MUC17: variants seen among roughly 807,000 people sequenced by gnomAD.
MUC17 encodes the protein mucin-17.
MUC17 carries 190 observed loss-of-function variants against 170.3 expected under a neutral mutation model. The observed-to-expected ratio is 1.12, with a 90% CI of 0.99 to 1.26. MUC17 has a LOEUF of 1.26. MUC17 is among the 50% of genes most tolerant of loss of function. The pLI is 0.00. For synonymous variants in MUC17, 2,325 were observed against 2,002.5 expected, an observed-to-expected ratio of 1.16 and a Z score of -4.30; for missense variants, 6,415 against 5,530.0, an observed-to-expected ratio of 1.16 and a Z score of -5.08.
rs1794397588 is a variant in MUC17, at chr7:101,034,503, T to C, written c.3087T>C (p.Gly1029=). 1.2e-6 allele frequency: 2 copies of C among 1,613,572 alleles called. No individual in the cohort carries two copies. The highest frequency in any genetic ancestry group is 2.7e-5 in the African/African-American group (2 of 74,898). The change falls in exon 3 of 13, where the codon GGT becomes GGC. Residue 1029 remains glycine (G), a synonymous_variant. Coordinates refer to ENST00000306151, the MANE Select transcript of MUC17 (RefSeq NM_001040105.2). ...GTTCACCTCCTCCCACTGCTGAAGG[T>C]ACCAGCATGCCAACCTCAACTCCTA... is the stretch of plus-strand genomic sequence containing the variant. ...EASSPPPTAE[G]TSMPTSTPSE... is the part of the protein sequence containing the mutation.
intron 3 of MUC17, among the ~76,000 whole-genome samples, chr7:101,045,493 A>C (rs1794824032): frequency 6.6e-6 from 1 of 151,906 alleles, no homozygotes; most frequent in African/African-American, 2.4e-5. Flanking sequence ...TCCCGGGTTC[A>C]AGTGATTCTC....
rs760007398 is a variant in MUC17, at chr7:101,034,868, C to T, written c.3452C>T (p.Pro1151Leu). The change falls in exon 3 of 13, where the codon CCA becomes CTA. Residue 1151 changes from proline (P) to leucine (L), a missense_variant. Transcript: ENST00000306151. ...SPTTAEGTSI[P>L]TSPPSEGTTP... The stretch of plus-strand genomic sequence containing the variant: ...ACAACTGCTGAAGGTACCAGCATAC[C>T]AACCTCACCTCCCAGTGAAGGAACC... The T allele has an allele frequency of 6.8e-5, 109 of 1,613,036 alleles. No homozygotes were observed. Among genetic ancestry groups the T allele is most frequent in the Non-Finnish European group, 6.8e-6 (8 of 1,179,832 alleles).
At position 101,033,809 on chromosome 7, in the gene MUC17, T is replaced by A; in HGVS notation, c.2393T>A (p.Ile798Asn). The A allele has an allele frequency of 1.3e-6, 2 of 1,597,166 alleles. No individual in the cohort carries two copies. The highest frequency in any genetic ancestry group is 1.7e-6 in the Non-Finnish European group (2 of 1,174,096). The change falls in exon 3 of 13, where the codon ATC becomes AAC. Residue 798 changes from isoleucine (I) to asparagine (N), a missense_variant. Physicochemically the swap from Ile to Asn is moderately radical, Grantham distance 149. Coordinates refer to ENST00000306151, the MANE Select transcript of MUC17 (RefSeq NM_001040105.2). ...ACCACTGAAGGTACCAGCATGCCAATCTCAACTCCTAGTGAAGGAAGTCCT... is the reference window on the plus strand; with the variant it reads ...ACCACTGAAGGTACCAGCATGCCAAACTCAACTCCTAGTGAAGGAAGTCCT... The part of the protein sequence containing the change: ...PTTTEGTSMP[I>N]STPSEGSPLL...
intron 7 of MUC17, among the ~76,000 whole-genome samples, chr7:101,051,318 T>G (rs1794937503): frequency 7.2e-6 from 1 of 138,452 alleles, no homozygotes; most frequent in East Asian, 2.1e-4. Flanking sequence ...TGAGCCGAGA[T>G]TGCACCACTG....
At chr7:101,028,860 C>T (rs1413099119) in intron 1 of MUC17, among the ~76,000 whole-genome samples, 1 of 151,972 alleles carries the variant, frequency 6.6e-6, no homozygotes, top group Non-Finnish European at 1.5e-5. Flanking sequence ...TGCACTCCAG[C>T]CTGGGCGATA....
intron 1 of MUC17, among the ~76,000 whole-genome samples, chr7:101,024,225 C>G (rs548734939): frequency 1.3e-3 from 198 of 152,074 alleles, no homozygotes; most frequent in Non-Finnish European, 2.4e-3. Flanking sequence ...CCTGGCAAAA[C>G]CCCATCTCTA....
Position 101,042,244 on chromosome 7 carries a change from T to C in MUC17, c.10828T>C (p.Ser3610Pro). 5.0e-6 allele frequency: 8 copies of C among 1,614,132 alleles called. No individual in the cohort carries two copies. The highest frequency in any genetic ancestry group is 6.8e-6 in the Non-Finnish European group (8 of 1,180,018). Reference sequence around the variant, plus strand: ...TGACAGAAGCACACCTGTGACCACTTCTACTCAGAGCAATTCTACTCCTAC... The same window carrying C: ...TGACAGAAGCACACCTGTGACCACTCCTACTCAGAGCAATTCTACTCCTAC... Reference protein sequence around the residue: ...SVDRSTPVTTSTQSNSTPTPP... With the variant: ...SVDRSTPVTTPTQSNSTPTPP... Residue 3610 changes from serine (S) to proline (P), a missense_variant, in exon 3 of 13, where the codon TCT becomes CCT. Coordinates refer to ENST00000306151, the MANE Select transcript of MUC17 (RefSeq NM_001040105.2).
Position 101,034,965 on chromosome 7 carries a change from T to C in MUC17, c.3549T>C (p.Thr1183=). The change falls in exon 3 of 13, where the codon ACT becomes ACC. Residue 1183 remains threonine (T), a synonymous_variant. Coordinates refer to ENST00000306151, the MANE Select transcript of MUC17 (RefSeq NM_001040105.2). ...CTGAGGCTAACACCCTTTCAACAAC[T>C]CCTGTGGACTCCAAAACTCAGGTGG... ...VSSEANTLST[T]PVDSKTQVAT... 2 of 1,613,718 alleles carry C rather than the reference T, an allele frequency of 1.2e-6. No homozygotes were observed. The highest frequency in any genetic ancestry group is 8.5e-7 in the Non-Finnish European group (1 of 1,179,926).
chr7:101,030,603 C>A (rs901058593), intron 1 of MUC17, among the ~76,000 whole-genome samples: 5 of 152,250 alleles, frequency 3.3e-5, no homozygotes, highest in African/African-American at 1.2e-4. Flanking sequence ...AGGTCTCACT[C>A]TGTCACCCAG....
rs1364973088 is a variant in MUC17, at chr7:101,039,847, C to T, written c.8431C>T (p.Pro2811Ser). 6.2e-7 allele frequency: 1 copy of T among 1,611,628 alleles called. No homozygotes were observed. Among genetic ancestry groups the T allele is most frequent in the East Asian group, 2.2e-5 (1 of 44,804 alleles). The change falls in exon 3 of 13, where the codon CCA becomes TCA. Residue 2811 changes from proline (P) to serine (S), a missense_variant. Physicochemically the swap from Pro to Ser is moderately conservative, Grantham distance 74. Coordinates refer to ENST00000306151, the MANE Select transcript of MUC17 (RefSeq NM_001040105.2). ...PTSTPSETST[P>S]LTSMPVNHTP... is the part of the protein sequence containing the mutation. ...CTCAACTCCTAGTGAAACAAGTACT[C>T]CATTAACTAGTATGCCTGTCAACCA... is the stretch of plus-strand genomic sequence containing the variant.
intron 4 of MUC17, 197 bp downstream of exon 4, chr7:101,048,312 G>A (rs1033561869): frequency 4.1e-5 from 18 of 434,660 alleles, no homozygotes; most frequent in African/African-American, 3.1e-4. Context: ...GAATAAAATA[G>A]GCCAGGCACG....
At position 101,036,368 on chromosome 7, in the gene MUC17, T is replaced by C. The variant is rs1325214974; in HGVS notation, c.4952T>C (p.Leu1651Pro). 6.2e-7 allele frequency: 1 copy of C among 1,612,832 alleles called. No individual in the cohort carries two copies. The highest frequency in any genetic ancestry group is 1.1e-5 in the South Asian group (1 of 90,990). Residue 1651 changes from leucine (L) to proline (P), a missense_variant, in exon 3 of 13, where the codon CTT (leucine) becomes CCT (proline). Transcript: ENST00000306151. ...TPVASPEASTLSTTPVDSNSP... is the reference protein window; with the variant it reads ...TPVASPEASTPSTTPVDSNSP... ...GTGGCCAGTCCTGAGGCTAGCACCCTTTCAACAACTCCTGTTGACTCCAAC... is the reference window on the plus strand; with the variant it reads ...GTGGCCAGTCCTGAGGCTAGCACCCCTTCAACAACTCCTGTTGACTCCAAC...
intron 4 of MUC17, among the ~76,000 whole-genome samples, chr7:101,048,614 G>C (rs1277294918): frequency 6.7e-6 from 1 of 149,478 alleles, no homozygotes; most frequent in Non-Finnish European, 1.5e-5. Flanking sequence ...AAGAAGGAAG[G>C]AAGGAAGGAA....
intron 12 of MUC17, 43 bp downstream of exon 12, chr7:101,056,313 C>A: frequency 6.2e-7 from 1 of 1,607,050 alleles, no homozygotes; most frequent in South Asian, 1.1e-5. Context: ...CCCAACCCTG[C>A]GACTTTCTTC....
At chr7:101,020,313 C>T (rs1794049158) in intron 1 of MUC17, 96 bp downstream of exon 1, 2 of 1,031,446 alleles carry the variant, frequency 1.9e-6, no homozygotes, top group African/African-American at 1.6e-5. Flanking sequence ...GCCTCCAGGA[C>T]ACCAATAGGG....
chr7:101,047,726 G>A (rs1313383523), intron 3 of MUC17, among the ~76,000 whole-genome samples: 1 of 152,172 alleles, frequency 6.6e-6, no homozygotes, highest in African/African-American at 2.4e-5. Context: ...AGCTACTCAG[G>A]AGGCTGAGGC....
chr7:101,032,489 C>T lies in MUC17; in HGVS notation c.1073C>T (p.Pro358Leu). The change falls in exon 3 of 13, where the codon CCT (proline) becomes CTT (leucine). Residue 358 changes from proline to leucine, a missense_variant. By Grantham distance (98) the Pro-to-Leu change is moderately conservative (BLOSUM62 -3). Transcript: ENST00000306151. ...GAAATGAGCACACTTTCAATAACTC[C>T]TGTTGACACCAGCACACTTGTGACC... is the stretch of plus-strand genomic sequence containing the variant. Reference protein sequence around the residue: ...TSEMSTLSITPVDTSTLVTTS... With the variant: ...TSEMSTLSITLVDTSTLVTTS... The T allele has an allele frequency of 2.5e-6, 4 of 1,614,174 alleles. No homozygotes were observed. The highest frequency in any genetic ancestry group is 3.4e-6 in the Non-Finnish European group (4 of 1,180,014).
In MUC17 at chr7:101,036,190, A is replaced by G. The variant is rs774164429; in HGVS notation, c.4774A>G (p.Thr1592Ala). Reference sequence around the variant, plus strand: ...GCTGGTGGTCAGTTCTGAGGCTAACACCCTTTCAACAACCCCTATTGACTC... The same window carrying G: ...GCTGGTGGTCAGTTCTGAGGCTAACGCCCTTTCAACAACCCCTATTGACTC... ...TMLVVSSEAN[T>A]LSTTPIDSKT... Residue 1592 changes from threonine to alanine, a missense_variant, in exon 3 of 13, where the codon ACC becomes GCC. Transcript: ENST00000306151. 4 of 1,613,782 alleles carry G rather than the reference A, an allele frequency of 2.5e-6. No homozygotes were observed. Among genetic ancestry groups the G allele is most frequent in the Admixed American group, 3.3e-5 (2 of 59,966 alleles).
At chr7:101,052,840 C>T in intron 9 of MUC17, 146 bp from the exon 10 acceptor site, 2 of 850,964 alleles carry the variant, frequency 2.4e-6, no homozygotes, top group Non-Finnish European at 3.5e-6. Flanking sequence ...CATCTCTGTT[C>T]ATCCCCTCGG....
Sources: allele counts gnomAD v4.1 joint callset (sites outside exome capture counted in the v4.1 genomes callset), GRCh38; gene constraint gnomAD v4.1.1; transcripts MANE v1.5; gene names NCBI Gene and HGNC (gene_info 2026-07-23, HGNC 2026-07-21).